Variants in ST8SIA4 observed in about 807,000 individuals in gnomAD.
ST8SIA4 encodes ST8 alpha-N-acetyl-neuraminide alpha-2,8-sialyltransferase 4, also known as CMP-N-acetylneuraminate-poly-alpha-2,8-sialyltransferase.
In ST8SIA4, 15 loss-of-function variants were observed where a neutral mutation model predicts 33.9. The ratio of observed to expected loss-of-function variants is 0.44; its 90% CI spans 0.30 to 0.68. The LOEUF (loss-of-function observed/expected upper bound fraction) is 0.68. ST8SIA4 is among the 30% of genes least tolerant of loss of function. The pLI, the probability that ST8SIA4 is intolerant of heterozygous loss-of-function variation, is 0.10. For synonymous variants in ST8SIA4, 171 were observed against 151.2 expected, an observed-to-expected ratio of 1.13 and a Z score of -0.96; for missense variants, 321 against 428.0, an observed-to-expected ratio of 0.75 and a Z score of 2.21.
In ST8SIA4 at chr5:100,903,080, G is replaced by T; in HGVS notation, c.-125C>A. On this transcript the variant is annotated 5_prime_UTR_variant, in exon 1 of 5. Coordinates refer to ENST00000231461, the MANE Select transcript of ST8SIA4 (RefSeq NM_005668.6). ...AAATGCGAGGAGAGCTTGGAGCCGG[G>T]ATCCCGGGATCAGATCACTGGGGTC... 1 of 678,996 alleles carries T rather than the reference G, an allele frequency of 1.5e-6. No individual in the cohort carries two copies. The highest frequency in any genetic ancestry group is 1.8e-5 in the South Asian group (1 of 55,692). The allele number at this position is 678,996 out of a possible 1,614,324, so 42.1% of individuals were successfully genotyped here.
intron 4 of ST8SIA4, among the ~76,000 whole-genome samples, chr5:100,825,342 A>G (rs1207529111): frequency 6.6e-6 from 1 of 152,170 alleles, no homozygotes; most frequent in Non-Finnish European, 1.5e-5. Context: ...GATTCTACTG[A>G]ATTATATTTT....
At chr5:100,850,018 A>T (rs1751657349) in intron 4 of ST8SIA4, among the ~76,000 whole-genome samples, 1 of 152,170 alleles carries the variant, frequency 6.6e-6, no homozygotes. Context: ...TGTATTCTCC[A>T]CTGAAAGATA....
chr5:100,882,478 G>A (rs947382850), intron 3 of ST8SIA4, among the ~76,000 whole-genome samples: 1 of 152,228 alleles, frequency 6.6e-6, no homozygotes, highest in African/African-American at 2.4e-5. Flanking sequence ...GCCTGACAAT[G>A]TGATAGAAAA....
At chr5:100,895,527 C>G in intron 2 of ST8SIA4, 127 bp downstream of exon 2, 1 of 874,958 alleles carries the variant, frequency 1.1e-6, no homozygotes, top group Non-Finnish European at 1.7e-6. Context: ...TTAAATAGAG[C>G]TGGTTCATTC....
At chr5:100,813,613 A>G (rs1394873888) in intron 4 of ST8SIA4, among the ~76,000 whole-genome samples, 1 of 152,040 alleles carries the variant, frequency 6.6e-6, no homozygotes, top group Non-Finnish European at 1.5e-5. Flanking sequence ...AAACATAGAC[A>G]GTGATTCTAT....
intron 1 of ST8SIA4, among the ~76,000 whole-genome samples, chr5:100,898,125 C>A (rs902408474): frequency 6.6e-6 from 1 of 152,006 alleles, no homozygotes; most frequent in Non-Finnish European, 1.5e-5. Flanking sequence ...TTTTCACCAC[C>A]AATAAACTTT....
At chr5:100,826,987 T>C (rs1165478569) in intron 4 of ST8SIA4, among the ~76,000 whole-genome samples, 79 of 136,004 alleles carry the variant, frequency 5.8e-4, no homozygotes, top group Non-Finnish European at 6.5e-5. Flanking sequence ...CACACACACA[T>C]CCCATAGGAA....
chr5:100,888,874 C>A (rs1193789513), intron 2 of ST8SIA4, among the ~76,000 whole-genome samples: 1 of 151,808 alleles, frequency 6.6e-6, no homozygotes, highest in East Asian at 1.9e-4. Context: ...ATATGTCCAC[C>A]AGCTAGTTGA....
At chr5:100,882,155 TG>T (rs1752439882) in intron 3 of ST8SIA4, among the ~76,000 whole-genome samples, 1 of 152,180 alleles carries the variant, frequency 6.6e-6, no homozygotes, top group Non-Finnish European at 1.5e-5. Flanking sequence ...AGAGACTTGT[TG>T]AATGGCATTG....
intron 3 of ST8SIA4, among the ~76,000 whole-genome samples, chr5:100,864,574 CAAAAAAAAA>C (rs201029430): frequency 0.5 from 35,264 of 69,888 alleles, 5,552 homozygotes; most frequent in Non-Finnish European, 0.55. Flanking sequence ...GACTCCGGCT[CAAAAAAAAA>C]AAAAAAAAAA....
chr5:100,892,058 A>G (rs888365640), intron 2 of ST8SIA4, among the ~76,000 whole-genome samples: 6 of 152,170 alleles, frequency 3.9e-5, no homozygotes, highest in African/African-American at 1.4e-4. Context: ...GAGCTGAAAT[A>G]TTTTTTCTAA....
chr5:100,887,382 C>T (rs959986222), intron 2 of ST8SIA4, among the ~76,000 whole-genome samples: 11 of 152,002 alleles, frequency 7.2e-5, no homozygotes, highest in African/African-American at 2.7e-4. Context: ...CCAAGTAGAG[C>T]TCAGTTGGGT....
intron 4 of ST8SIA4, among the ~76,000 whole-genome samples, chr5:100,831,300 C>T (rs960592635): frequency 6.6e-6 from 1 of 152,152 alleles, no homozygotes; most frequent in Non-Finnish European, 1.5e-5. Context: ...GTCTCTATCC[C>T]ATAACTAAGG....
At chr5:100,886,121 A>G in intron 3 of ST8SIA4, 2 of 1,313,114 alleles carry the variant, frequency 1.5e-6, no homozygotes, top group Non-Finnish European at 1.9e-6. Flanking sequence ...AAGCTGTGTG[A>G]ATCTTGTTGC....
intron 2 of ST8SIA4, among the ~76,000 whole-genome samples, chr5:100,886,870 A>T (rs576478443): frequency 6.6e-6 from 1 of 152,102 alleles, no homozygotes; most frequent in Non-Finnish European, 1.5e-5. Flanking sequence ...GAGTTATAAA[A>T]AGCACTCCAA....
intron 4 of ST8SIA4, among the ~76,000 whole-genome samples, chr5:100,837,290 A>G (rs1295591624): frequency 6.6e-6 from 1 of 152,072 alleles, no homozygotes; most frequent in African/African-American, 2.4e-5. Context: ...GATTGGTGTA[A>G]TAAACCAGAA....
chr5:100,863,067 T>A (rs925397331), intron 3 of ST8SIA4, among the ~76,000 whole-genome samples: 1 of 152,182 alleles, frequency 6.6e-6, no homozygotes, highest in Non-Finnish European at 1.5e-5. Context: ...AAAGTGAAGG[T>A]TTCATCTTTT....
rs1029507203 is a variant in ST8SIA4 at position 100,849,065 on chromosome 5, T to C, written c.797+7038A>G. The C allele has an allele frequency of 1.9e-5, 16 of 845,014 alleles. No homozygotes were observed. In the African/African-American group the frequency reaches 2.9e-4, roughly 16 times the overall value. 52.3% of individuals were successfully genotyped at this position (845,014 alleles called of 1,614,324 possible). ...AAATGACTTTAAAGAAGAAATACTT[T>C]AGAAAGCTATCTTTATTATCATAAT... On this transcript the variant is annotated intron_variant, in intron 4 of 4. Transcript: ENST00000231461.
Position 100,811,995 on chromosome 5 carries a change from G to A in ST8SIA4, c.932C>T (p.Ala311Val), listed in dbSNP as rs769426294. The A allele has an allele frequency of 8.7e-6, 14 of 1,614,024 alleles. No individual in the cohort carries two copies. The East Asian group carries it at 2.2e-4, about 26-fold the overall frequency. ...GTCATCATAATAATGATATTTGACC[G>A]CTTTTCCATTTAAATCCTTAGGGAA... Reference protein sequence around the residue: ...WPFPKDLNGKAVKYHYYDDLK... With the variant: ...WPFPKDLNGKVVKYHYYDDLK... Residue 311 changes from alanine to valine, a missense_variant, in exon 5 of 5, where the codon GCG (alanine) becomes GTG (valine). Coordinates refer to ENST00000231461, the MANE Select transcript of ST8SIA4 (RefSeq NM_005668.6).
Sources: gnomAD v4.1 joint callset for allele counts (sites outside exome capture counted in the v4.1 genomes callset) on GRCh38, gnomAD v4.1.1 for gene constraint, MANE v1.5 for transcripts, NCBI Gene and HGNC (gene_info 2026-07-23, HGNC 2026-07-21) for gene names.